The following MARCHF1 variants were observed in gnomAD, a reference collection of about 807,000 sequenced individuals.
MARCHF1 encodes E3 ubiquitin-protein ligase MARCHF1.
MARCHF1 carries 40 observed loss-of-function variants against 54.2 expected under a neutral mutation model. That is an observed-to-expected ratio of 0.74 (90% CI 0.57 to 0.96). The LOEUF (loss-of-function observed/expected upper bound fraction) is 0.96. MARCHF1 is among the 40% of genes least tolerant of loss of function. MARCHF1 has a pLI of 0.00. For missense variants in MARCHF1, 586 were observed against 656.5 expected (o/e 0.89, Z 1.17); for synonymous variants, 236 against 236.3 (o/e 1.00, Z 0.01).
intron 3 of MARCHF1, among the ~76,000 whole-genome samples, chr4:163,917,868 T>C (rs918656323): frequency 3.3e-5 from 5 of 152,216 alleles, no homozygotes; most frequent in African/African-American, 1.2e-4. Context: ...TTGGCTCTGA[T>C]GAAAGTTTCT....
chr4:164,294,124 C>A lies in MARCHF1; in HGVS notation c.-323+89746G>T, dbSNP rs138273104. Among the ~76,000 whole-genome samples the A allele has an allele frequency of 2.7e-3, 417 of 152,322 alleles. 3 individuals carry two copies. Among genetic ancestry groups the A allele is most frequent in the African/African-American group, 9.7e-3 (402 of 41,588 alleles). ...CTCCAATTTCTTCAGCTTTTGGACT[C>A]TTGGACTTACACACCAGTGGTTTGC... On this transcript the variant is annotated intron_variant, in intron 1 of 9. Transcript: ENST00000514618.
In MARCHF1 at chr4:164,050,129, G is replaced by T. The variant is rs538356558; in HGVS notation, c.-247-61420C>A. On this transcript the variant is annotated intron_variant, in intron 2 of 9. Coordinates refer to ENST00000514618, the MANE Select transcript of MARCHF1 (RefSeq NM_001394959.1). ...ATCTCTACTAAAAATACACAAATTA[G>T]CCCGGTGTCATGGTGGGTGCCTGTA... is the stretch of plus-strand genomic sequence containing the variant. 6.3e-4 allele frequency among the ~76,000 whole-genome samples: 95 copies of T among 151,772 alleles called. 1 individual carries two copies. Among genetic ancestry groups the T allele is most frequent in the African/African-American group, 2.1e-3 (86 of 41,412 alleles).
chr4:164,017,074 T>C (rs961175138), intron 2 of MARCHF1, among the ~76,000 whole-genome samples: 2 of 152,140 alleles, frequency 1.3e-5, no homozygotes, highest in East Asian at 1.9e-4. Flanking sequence ...ATGGGTCTTA[T>C]CCCAAATAAG....
At chr4:163,732,703 T>C (rs544270917) in intron 4 of MARCHF1, among the ~76,000 whole-genome samples, 7 of 148,152 alleles carry the variant, frequency 4.7e-5, no homozygotes, top group Admixed American at 4.7e-4. Flanking sequence ...TAGAAAACAG[T>C]GGAGCAACAG....
chr4:164,045,662 G>A (rs1177587904), intron 2 of MARCHF1, among the ~76,000 whole-genome samples: 1 of 144,372 alleles, frequency 6.9e-6, no homozygotes, highest in East Asian at 2.0e-4. Context: ...ATATAGTCAT[G>A]AAATCATTCT....
At chr4:163,846,152 T>C (rs1430064703) in intron 4 of MARCHF1, among the ~76,000 whole-genome samples, 2 of 152,118 alleles carry the variant, frequency 1.3e-5, no homozygotes, top group East Asian at 3.8e-4. Flanking sequence ...CATGATTGAA[T>C]AAGAAAGAAT....
rs963038308 is a variant in MARCHF1 at position 164,082,160 on chromosome 4, C to A, written c.-248+29428G>T. ...GCAAATACATGTTCACTGTAAATATCAAATTCTCTGAAGAGCACACAGGTT... is the reference window on the plus strand; with the variant it reads ...GCAAATACATGTTCACTGTAAATATAAAATTCTCTGAAGAGCACACAGGTT... On this transcript the variant is annotated intron_variant, in intron 2 of 9. Transcript: ENST00000514618. Among the ~76,000 whole-genome samples the A allele has an allele frequency of 8.5e-5, 13 of 152,230 alleles. No homozygotes were observed. The South Asian group carries it at 2.7e-3, about 32-fold the overall frequency.
intron 2 of MARCHF1, among the ~76,000 whole-genome samples, chr4:164,005,878 C>A (rs934795822): frequency 6.6e-6 from 1 of 152,062 alleles, no homozygotes; most frequent in African/African-American, 2.4e-5. Flanking sequence ...TGGGACCTAT[C>A]CCATTTGAAA....
At chr4:164,299,217 A>C (rs932472039) in intron 1 of MARCHF1, among the ~76,000 whole-genome samples, 2 of 152,146 alleles carry the variant, frequency 1.3e-5, no homozygotes, top group African/African-American at 4.8e-5. Context: ...CTTCCATTAG[A>C]GCTTTCTTCT....
intron 5 of MARCHF1, among the ~76,000 whole-genome samples, chr4:163,677,726 C>G (rs1351191999): frequency 1.3e-5 from 2 of 152,084 alleles, no homozygotes; most frequent in Non-Finnish European, 2.9e-5. Flanking sequence ...GTGTAAAAGC[C>G]CTATTGAGGA....
intron 1 of MARCHF1, among the ~76,000 whole-genome samples, chr4:164,310,958 T>C (rs925463585): frequency 6.6e-6 from 1 of 152,174 alleles, no homozygotes; most frequent in African/African-American, 2.4e-5. Flanking sequence ...TCTAAGATTG[T>C]GTGCTCCAAC....
chr4:164,129,261 G>A (rs1390804285), intron 1 of MARCHF1, among the ~76,000 whole-genome samples: 1 of 152,096 alleles, frequency 6.6e-6, no homozygotes, highest in Non-Finnish European at 1.5e-5. Flanking sequence ...AATGCGATTT[G>A]TCGTTCGGAA....
chr4:164,073,251 C>T (rs558031985), intron 2 of MARCHF1, among the ~76,000 whole-genome samples: 9 of 152,152 alleles, frequency 5.9e-5, no homozygotes, highest in Non-Finnish European at 1.3e-4. Flanking sequence ...AACCCAAAAT[C>T]CCCATCAGTG....
chr4:164,345,010 A>C (rs527853499), intron 1 of MARCHF1, among the ~76,000 whole-genome samples: 1 of 152,292 alleles, frequency 6.6e-6, no homozygotes, highest in East Asian at 1.9e-4. Context: ...TTGTCACTAA[A>C]TCTATAATTA....
At chr4:163,637,956 A>G (rs1366152703) in intron 5 of MARCHF1, among the ~76,000 whole-genome samples, 22 of 151,082 alleles carry the variant, frequency 1.5e-4, no homozygotes, top group Admixed American at 1.4e-3. Flanking sequence ...CATGGATGAA[A>G]TTGGAAATCA....
At chr4:164,351,821 G>A (rs1416335446) in intron 1 of MARCHF1, among the ~76,000 whole-genome samples, 1 of 151,870 alleles carries the variant, frequency 6.6e-6, no homozygotes, top group Non-Finnish European at 1.5e-5. Flanking sequence ...CTGAGCTACG[G>A]GAGGACATTC....
At position 163,988,601 on chromosome 4, in the gene MARCHF1, T is replaced by A. The variant is rs1752913640; in HGVS notation, c.-139A>T. The A allele has an allele frequency of 6.6e-6, 1 of 152,280 alleles. No homozygotes were observed. The highest frequency in any genetic ancestry group is 2.1e-4 in the South Asian group (1 of 4,836). 9.4% of individuals were successfully genotyped at this position (152,280 alleles called of 1,614,324 possible). On this transcript the variant is annotated 5_prime_UTR_variant, in exon 3 of 10. Transcript: ENST00000514618. Reference sequence around the variant, plus strand: ...TACGGAAATCTGGTGGAGGGGCATATTGGCAGGGCTGCAGGTGGCCAATCC... The same window carrying A: ...TACGGAAATCTGGTGGAGGGGCATAATGGCAGGGCTGCAGGTGGCCAATCC...
At chr4:164,280,766 A>G (rs1208444041) in intron 1 of MARCHF1, among the ~76,000 whole-genome samples, 1 of 152,116 alleles carries the variant, frequency 6.6e-6, no homozygotes, top group African/African-American at 2.4e-5. Context: ...GACATTTTAT[A>G]TTAAGTGGCT....
intron 3 of MARCHF1, among the ~76,000 whole-genome samples, chr4:163,888,959 TA>T (rs1388571458): frequency 3.0e-4 from 45 of 152,282 alleles, no homozygotes; most frequent in African/African-American, 1.1e-3. Flanking sequence ...AGCCTGTGTC[TA>T]AGTAAATCAA....
Sources: allele counts gnomAD v4.1 joint callset (sites outside exome capture counted in the v4.1 genomes callset), GRCh38; gene constraint gnomAD v4.1.1; transcripts MANE v1.5; gene names NCBI Gene and HGNC (gene_info 2026-07-23, HGNC 2026-07-21).